The following RBFOX1 variants were observed in gnomAD, a reference collection of about 807,000 sequenced individuals.
RBFOX1 encodes RNA binding protein fox-1 homolog 1.
In RBFOX1, 8 loss-of-function variants were observed where a neutral mutation model predicts 57.7. That is an observed-to-expected ratio of 0.14 (90% CI 0.08 to 0.25). The LOEUF (loss-of-function observed/expected upper bound fraction) is 0.25, where lower values mean the gene tolerates loss of function less well. Among genes scored for constraint, RBFOX1 ranks in the 10% least tolerant of loss-of-function variants. The pLI, the probability that RBFOX1 is intolerant of heterozygous loss-of-function variation, is 1.00. For synonymous variants in RBFOX1, 326 were observed against 222.4 expected (o/e 1.47, Z -4.15); for missense variants, 611 against 548.5 (o/e 1.11, Z -1.14).
chr16:5,363,816 G>T (rs2065623629), intron 1 of RBFOX1, among the ~76,000 whole-genome samples: 1 of 152,176 alleles, frequency 6.6e-6, no homozygotes, highest in Non-Finnish European at 1.5e-5. Context: ...GCTCCCTGGG[G>T]TTCCCAGCAT....
chr16:6,303,805 C>CT (rs1177185329), intron 1 of RBFOX1, among the ~76,000 whole-genome samples: 43,572 of 70,546 alleles, frequency 0.62, 15,643 homozygotes, highest in Non-Finnish European at 0.75. Context: ...GAAACCCTGT[C>CT]TTTTTTTTTT....
At chr16:6,424,620 C>CGCGTGTGTGTGTGTGT (rs1555466662) in intron 2 of RBFOX1, among the ~76,000 whole-genome samples, 4 of 150,592 alleles carry the variant, frequency 2.7e-5, no homozygotes, top group African/African-American at 9.8e-5. Flanking sequence ...TGTGTGTGTG[C>CGCGTGTGTGTGTGTGT]GTGTGTGTGA....
intron 2 of RBFOX1, among the ~76,000 whole-genome samples, chr16:5,561,606 C>A (rs760127472): frequency 2.6e-5 from 4 of 152,168 alleles, no homozygotes; most frequent in Non-Finnish European, 5.9e-5. Flanking sequence ...GTTTTAAATA[C>A]ATTTCCAATC....
At chr16:5,658,891 C>A (rs978816641) in intron 3 of RBFOX1, among the ~76,000 whole-genome samples, 1 of 147,430 alleles carries the variant, frequency 6.8e-6, no homozygotes, top group Non-Finnish European at 1.5e-5. Flanking sequence ...ATATATATAT[C>A]TCACATAGTT....
At chr16:5,820,358 A>T (rs537739082) in intron 3 of RBFOX1, among the ~76,000 whole-genome samples, 1 of 152,250 alleles carries the variant, frequency 6.6e-6, no homozygotes, top group South Asian at 2.1e-4. Context: ...AAATCCTGCA[A>T]GGGGGGAGGC....
intron 1 of RBFOX1, among the ~76,000 whole-genome samples, chr16:6,102,613 T>A (rs757043564): frequency 1.3e-5 from 2 of 152,082 alleles, no homozygotes; most frequent in Non-Finnish European, 2.9e-5. Context: ...CCTCTCCCTC[T>A]CCTTTTATCT....
chr16:5,593,602 C>G (rs376479719), intron 2 of RBFOX1, among the ~76,000 whole-genome samples: 2 of 152,210 alleles, frequency 1.3e-5, no homozygotes, highest in South Asian at 4.1e-4. Flanking sequence ...CACTGCTACA[C>G]TCCCACCAGC....
In RBFOX1 at chr16:7,420,180, C is replaced by T. The variant is rs12598744; in HGVS notation, c.28-97967C>T. ...TCTCTCTCCAGTCTAAATATTCTGC[C>T]GTGGTAATTATACAGATGGGGCACA... On this transcript the variant is annotated intron_variant, in intron 4 of 15. Coordinates refer to ENST00000550418, the MANE Select transcript of RBFOX1 (RefSeq NM_018723.4). Among the ~76,000 whole-genome samples, 94 of 152,000 alleles carry T rather than the reference C, an allele frequency of 6.2e-4. No homozygotes were observed. In the East Asian group the frequency reaches 0.015, roughly 25 times the overall value.
At chr16:6,904,406 G>T (rs777767539) in intron 3 of RBFOX1, among the ~76,000 whole-genome samples, 1 of 151,816 alleles carries the variant, frequency 6.6e-6, no homozygotes, top group Non-Finnish European at 1.5e-5. Flanking sequence ...TTTGAGACCA[G>T]TCTGGCCAAC....
At chr16:5,288,064 A>C (rs1233846142) in intron 1 of RBFOX1, among the ~76,000 whole-genome samples, 1 of 152,106 alleles carries the variant, frequency 6.6e-6, no homozygotes, top group African/African-American at 2.4e-5. Context: ...TCTGCATGTA[A>C]TTGTGTACGG....
At chr16:7,018,836 A>C (rs2094052355) in intron 3 of RBFOX1, among the ~76,000 whole-genome samples, 1 of 151,974 alleles carries the variant, frequency 6.6e-6, no homozygotes, top group African/African-American at 2.4e-5. Flanking sequence ...AACCCACTCT[A>C]GGCCAGGTGC....
intron 3 of RBFOX1, among the ~76,000 whole-genome samples, chr16:7,018,401 G>C (rs1022922649): frequency 6.6e-6 from 1 of 152,140 alleles, no homozygotes; most frequent in African/African-American, 2.4e-5. Context: ...ATGCATAATT[G>C]TGTGTGCGTG....
chr16:7,381,563 A>G (rs1034282964), intron 4 of RBFOX1, among the ~76,000 whole-genome samples: 9 of 151,932 alleles, frequency 5.9e-5, no homozygotes, highest in Non-Finnish European at 8.8e-5. Flanking sequence ...ATATACCCTA[A>G]AAAGAGGATT....
rs191288124 is a variant in RBFOX1, at chr16:5,750,283, G to T, written c.319-117020G>T. ...AGATGTCAGTCTGCCCCTACTGTGG[G>T]GGTGCCTCCCAGTTAGGCTACTCGG... On this transcript the variant is annotated intron_variant, in intron 3 of 19. Coordinates refer to the RBFOX1 transcript ENST00000641259. Among the ~76,000 whole-genome samples the T allele has an allele frequency of 1.5e-3, 233 of 152,312 alleles. 1 individual carries two copies. The highest frequency in any genetic ancestry group is 3.0e-3 in the Non-Finnish European group (201 of 68,034).
intron 3 of RBFOX1, among the ~76,000 whole-genome samples, chr16:5,740,290 A>G (rs2151588913): frequency 6.6e-6 from 1 of 152,280 alleles, no homozygotes; most frequent in East Asian, 1.9e-4. Flanking sequence ...TCCAGTCACC[A>G]AACACTGTGT....
At chr16:5,572,939 A>C (rs2046331766) in intron 2 of RBFOX1, among the ~76,000 whole-genome samples, 1 of 152,030 alleles carries the variant, frequency 6.6e-6, no homozygotes, top group African/African-American at 2.4e-5. Context: ...TCTCTGAGGG[A>C]GACTGGGGGG....
chr16:6,632,005 A>C (rs2098390817), intron 2 of RBFOX1, among the ~76,000 whole-genome samples: 1 of 152,288 alleles, frequency 6.6e-6, no homozygotes, highest in South Asian at 2.1e-4. Flanking sequence ...TAGGGTTTCA[A>C]ATAGAGAAAT....
At chr16:7,630,448 G>A (rs1232854635) in intron 10 of RBFOX1, among the ~76,000 whole-genome samples, 155 bp from the exon 11 acceptor site, 1 of 151,864 alleles carries the variant, frequency 6.6e-6, no homozygotes, top group Non-Finnish European at 1.5e-5. Flanking sequence ...ATTCCCTTTG[G>A]CTAAGGCAGG....
At chr16:7,470,718 G>A (rs768995074) in intron 4 of RBFOX1, among the ~76,000 whole-genome samples, 4 of 152,018 alleles carry the variant, frequency 2.6e-5, no homozygotes, top group Non-Finnish European at 5.9e-5. Context: ...GGGGAAAGAT[G>A]AATATATCCA....
Sources: allele counts gnomAD v4.1 joint callset (sites outside exome capture counted in the v4.1 genomes callset), GRCh38; gene constraint gnomAD v4.1.1; transcripts MANE v1.5; gene names NCBI Gene and HGNC (gene_info 2026-07-23, HGNC 2026-07-21).